The following DPYS variants were observed in gnomAD, a reference collection of about 807,000 sequenced individuals.
The protein encoded by DPYS is dihydropyrimidinase.
A neutral mutation model predicts 50.3 loss-of-function variants in DPYS; 39 were observed. The ratio of observed to expected loss-of-function variants is 0.78; its 90% CI spans 0.60 to 1.01. DPYS has a LOEUF of 1.01. Ranked by LOEUF, DPYS falls within the 50% of genes least tolerant of loss-of-function variation. The probability of loss-of-function intolerance (pLI) is 0.00; values close to 1 mark genes in which losing one functional copy is unlikely to be tolerated. For missense variants in DPYS, 659 were observed against 680.9 expected, an observed-to-expected ratio of 0.97 and a Z score of 0.36; for synonymous variants, 245 against 250.7, an observed-to-expected ratio of 0.98 and a Z score of 0.22.
chr8:104,463,806 C>T (rs1475323917), intron 1 of DPYS, among the ~76,000 whole-genome samples: 1 of 152,170 alleles, frequency 6.6e-6, no homozygotes, highest in Non-Finnish European at 1.5e-5. Context: ...AAACACCCAC[C>T]AGCGTTGCTT....
intron 8 of DPYS, among the ~76,000 whole-genome samples, chr8:104,387,949 A>G (rs897788842): frequency 2.0e-5 from 3 of 152,168 alleles, no homozygotes; most frequent in Admixed American, 6.5e-5. Flanking sequence ...CAAGCTACCA[A>G]ACTGACACCA....
rs181700893 is a variant in DPYS at position 104,456,431 on chromosome 8, G to A, written c.265-5027C>T. Among the ~76,000 whole-genome samples the A allele has an allele frequency of 3.8e-3, 585 of 152,266 alleles. 5 individuals carry two copies. Among genetic ancestry groups the A allele is most frequent in the African/African-American group, 0.013 (545 of 41,556 alleles). ...CTACAATTTGAAAGCTCTTAAATGA[G>A]GGTTGATCACAAATGCTCCACCTTC... is the stretch of plus-strand genomic sequence containing the variant. On this transcript the variant is annotated intron_variant, in intron 1 of 9. Coordinates refer to ENST00000351513, the MANE Select transcript of DPYS (RefSeq NM_001385.3).
chr8:104,451,156 T>C (rs1431147544), intron 2 of DPYS, 90 bp downstream of exon 2: 19 of 1,547,576 alleles, frequency 1.2e-5, no homozygotes, highest in Non-Finnish European at 1.5e-5. Flanking sequence ...TCCTGTTGTC[T>C]AGGAAGCAAT....
chr8:104,466,790 C>A lies in DPYS; in HGVS notation c.131G>T (p.Gly44Val), dbSNP rs367711099. The change falls in exon 1 of 10, where the codon GGC becomes GTC. Residue 44 changes from glycine (G) to valine (V), a missense_variant. By Grantham distance (109) the Gly-to-Val change is moderately radical. Transcript: ENST00000351513. ...ALGHDLLPPG[G>V]APAGLRVLDA... Reference sequence around the variant, plus strand: ...GAGGACCCGCAGCCCCGCAGGAGCGCCCCCGGGAGGCAGCAGGTCGTGCCC... The same window carrying A: ...GAGGACCCGCAGCCCCGCAGGAGCGACCCCGGGAGGCAGCAGGTCGTGCCC... 1.2e-5 allele frequency: 18 copies of A among 1,533,618 alleles called. No individual in the cohort carries two copies. The African/African-American group carries it at 1.9e-4, about 16-fold the overall frequency.
chr8:104,465,521 A>C (rs1230522263), intron 1 of DPYS, among the ~76,000 whole-genome samples: 2 of 152,154 alleles, frequency 1.3e-5, no homozygotes, highest in Admixed American at 1.3e-4. Context: ...CCAAGTGCTG[A>C]GAGTAGAATT....
intron 9 of DPYS, chr8:104,380,652 G>C (rs1434317137): frequency 1.3e-5 from 2 of 155,158 alleles, no homozygotes; most frequent in Non-Finnish European, 2.9e-5. Context: ...AAATACTTTT[G>C]CAAAAATGAC....
Position 104,392,804 on chromosome 8 carries a change from G to C in DPYS, c.1423C>G (p.Arg475Gly). The change falls in exon 8 of 10, where the codon CGA becomes GGA. Residue 475 changes from arginine to glycine, a missense_variant. Arg to Gly is a moderately radical substitution (Grantham distance 125). Coordinates refer to ENST00000351513, the MANE Select transcript of DPYS (RefSeq NM_001385.3). ...CTCACCCGGTCTCGCTGCTTTATTC[G>C]TTTGTAAATATATTCAGCAAATGGT... ...RKPFAEYIYK[R>G]IKQRDRTCTP... 6.2e-7 allele frequency: 1 copy of C among 1,614,034 alleles called. No homozygotes were observed. Among genetic ancestry groups the C allele is most frequent in the Non-Finnish European group, 8.5e-7 (1 of 1,179,990 alleles).
chr8:104,421,214 C>T (rs1812529183), intron 7 of DPYS: 1 of 152,196 alleles, frequency 6.6e-6, no homozygotes, highest in Admixed American at 6.5e-5. Flanking sequence ...ATGTATCTTT[C>T]TCCCAAAAGA....
intron 1 of DPYS, among the ~76,000 whole-genome samples, chr8:104,465,916 C>T (rs2140793005): frequency 6.6e-6 from 1 of 152,236 alleles, no homozygotes; most frequent in East Asian, 1.9e-4. Flanking sequence ...GGTACTCCAG[C>T]AGCAAGAATG....
chr8:104,415,513 T>A (rs1236793303), intron 7 of DPYS, among the ~76,000 whole-genome samples: 1 of 152,084 alleles, frequency 6.6e-6, no homozygotes, highest in Non-Finnish European at 1.5e-5. Flanking sequence ...CAACTTGGAA[T>A]AAAGAGTGGT....
At chr8:104,385,958 G>A (rs1014819746) in intron 8 of DPYS, among the ~76,000 whole-genome samples, 3 of 152,162 alleles carry the variant, frequency 2.0e-5, no homozygotes, top group African/African-American at 7.2e-5. Flanking sequence ...TTCTGTTATA[G>A]CAGCAAGCAC....
chr8:104,386,188 C>T (rs763227618), intron 8 of DPYS, among the ~76,000 whole-genome samples: 8 of 152,042 alleles, frequency 5.3e-5, no homozygotes, highest in Non-Finnish European at 7.4e-5. Flanking sequence ...TGCAGAAATG[C>T]CTTTTGGTTA....
Position 104,422,592 on chromosome 8 carries a change from G to A in DPYS, c.1235+1655C>T, listed in dbSNP as rs74667452. ...TTTAAAAACCCACGAGAGCTGTGAC[G>A]TACAGATTATTACTGATGATTAACA... On this transcript the variant is annotated intron_variant, in intron 7 of 9. Coordinates refer to ENST00000351513, the MANE Select transcript of DPYS (RefSeq NM_001385.3). Among the ~76,000 whole-genome samples the A allele has an allele frequency of 8.5e-3, 1,291 of 152,240 alleles. 6 individuals carry two copies. The highest frequency in any genetic ancestry group is 0.031 in the Middle Eastern group (9 of 294).
chr8:104,448,284 T>G (rs555540831), intron 2 of DPYS, among the ~76,000 whole-genome samples: 1 of 151,790 alleles, frequency 6.6e-6, no homozygotes, highest in East Asian at 1.9e-4. Flanking sequence ...GCCTCCTGAG[T>G]AGCTGGGATT....
At chr8:104,454,645 T>C (rs190877688) in intron 1 of DPYS, among the ~76,000 whole-genome samples, 3 of 152,236 alleles carry the variant, frequency 2.0e-5, no homozygotes, top group Admixed American at 2.0e-4. Flanking sequence ...GAAATATGAA[T>C]AAATAAATAT....
At chr8:104,386,549 A>G (rs1008719203) in intron 8 of DPYS, among the ~76,000 whole-genome samples, 5 of 151,626 alleles carry the variant, frequency 3.3e-5, no homozygotes, top group African/African-American at 7.3e-5. Context: ...AAAGAAAAGA[A>G]AAAGAAAATT....
intron 1 of DPYS, among the ~76,000 whole-genome samples, chr8:104,463,199 T>A (rs1260797287): frequency 6.6e-6 from 1 of 152,222 alleles, no homozygotes; most frequent in African/African-American, 2.4e-5. Flanking sequence ...TACTTTATGC[T>A]TTTTCTGTAC....
Position 104,463,599 on chromosome 8 carries a change from A to G in DPYS, c.264+3058T>C, listed in dbSNP as rs376947884. Among the ~76,000 whole-genome samples the G allele has an allele frequency of 4.6e-5, 7 of 152,318 alleles. No individual in the cohort carries two copies. In the East Asian group the frequency reaches 1.2e-3, roughly 25 times the overall value. ...CCTTAGGCAGGTAGCTTAAGCTTCA[A>G]TTTCCTCAATTGTAAAAAAGTAGAC... On this transcript the variant is annotated intron_variant, in intron 1 of 9. Transcript: ENST00000351513.
intron 5 of DPYS, 129 bp from the exon 6 acceptor site, chr8:104,428,250 G>A: frequency 8.0e-7 from 1 of 1,253,530 alleles, no homozygotes; most frequent in Non-Finnish European, 1.2e-6. Flanking sequence ...TGGAGAATGA[G>A]CAGTTTTTTC....
Sources: gnomAD v4.1 joint callset for allele counts (sites outside exome capture counted in the v4.1 genomes callset) on GRCh38, gnomAD v4.1.1 for gene constraint, MANE v1.5 for transcripts, NCBI Gene and HGNC (gene_info 2026-07-23, HGNC 2026-07-21) for gene names.